NUBPL: variants seen among roughly 807,000 people sequenced by gnomAD.
NUBPL encodes the protein iron-sulfur cluster transfer protein NUBPL.
A neutral mutation model predicts 45.7 loss-of-function variants in NUBPL; 31 were observed. That is an observed-to-expected ratio of 0.68 (90% CI 0.51 to 0.92). NUBPL has a LOEUF of 0.92. Among genes scored for constraint, NUBPL ranks in the 40% least tolerant of loss-of-function variants. The pLI is 0.00. For missense variants in NUBPL, 401 were observed against 398.7 expected, an observed-to-expected ratio of 1.01 and a Z score of -0.05; for synonymous variants, 144 against 140.9, an observed-to-expected ratio of 1.02 and a Z score of -0.15.
intron 6 of NUBPL, among the ~76,000 whole-genome samples, chr14:31,682,406 T>C (rs2036855607): frequency 6.6e-6 from 1 of 152,200 alleles, no homozygotes; most frequent in Admixed American, 6.5e-5. Context: ...TCTATTTCAT[T>C]ATATTTAAAG....
rs8007541 is a variant in NUBPL, at chr14:31,672,541, C to T, written c.383-814C>T. Among the ~76,000 whole-genome samples the T allele has an allele frequency of 8.3e-3, 1,262 of 152,170 alleles. 64 individuals carry two copies. The highest frequency in any genetic ancestry group is 0.075 in the Admixed American group (1,149 of 15,272). On this transcript the variant is annotated intron_variant, in intron 4 of 10. Coordinates refer to ENST00000281081, the MANE Select transcript of NUBPL (RefSeq NM_025152.3). ...GCAGTGGCACAATGTGGGCTCACTG[C>T]AACGTCTGCCTCCCAGGTCCAAGCG... is the stretch of plus-strand genomic sequence containing the variant.
chr14:31,820,474 T>C (rs1429106207), intron 7 of NUBPL, among the ~76,000 whole-genome samples: 1 of 152,166 alleles, frequency 6.6e-6, no homozygotes, highest in Non-Finnish European at 1.5e-5. Flanking sequence ...TCAGAGACCA[T>C]CTGTTAAGTC....
chr14:31,698,320 A>T (rs1320678378), intron 6 of NUBPL, among the ~76,000 whole-genome samples: 3 of 150,626 alleles, frequency 2.0e-5, no homozygotes, highest in African/African-American at 7.3e-5. Context: ...CTTTGCCGTC[A>T]TTGCTGCAGA....
intron 3 of NUBPL, among the ~76,000 whole-genome samples, chr14:31,584,215 C>T (rs35316258): frequency 0.3 from 46,006 of 151,910 alleles, 7,677 homozygotes; most frequent in South Asian, 0.4. Flanking sequence ...ACTTCTGCCT[C>T]CCGGGCTCAA....
At chr14:31,571,188 A>G (rs1476657721) in intron 3 of NUBPL, among the ~76,000 whole-genome samples, 1 of 152,208 alleles carries the variant, frequency 6.6e-6, no homozygotes, top group South Asian at 2.1e-4. Flanking sequence ...TATGTGTCCT[A>G]TCTTTCAGGC....
At chr14:31,848,855 C>T (rs2040494265) in intron 9 of NUBPL, among the ~76,000 whole-genome samples, 1 of 152,188 alleles carries the variant, frequency 6.6e-6, no homozygotes, top group Non-Finnish European at 1.5e-5. Context: ...CCTTCCATTT[C>T]TGCAGTAGAA....
chr14:31,777,412 C>G (rs2039116295), intron 6 of NUBPL, among the ~76,000 whole-genome samples: 1 of 152,124 alleles, frequency 6.6e-6, no homozygotes, highest in Non-Finnish European at 1.5e-5. Flanking sequence ...AAATTTGAAC[C>G]AAAGTCTCTT....
intron 6 of NUBPL, among the ~76,000 whole-genome samples, chr14:31,765,098 A>G (rs1347535702): frequency 1.3e-5 from 2 of 152,242 alleles, no homozygotes; most frequent in Non-Finnish European, 2.9e-5. Flanking sequence ...AACACGGGAA[A>G]GACATAGGTC....
chr14:31,653,682 G>A (rs1372444413), intron 4 of NUBPL, among the ~76,000 whole-genome samples: 1 of 152,284 alleles, frequency 6.6e-6, no homozygotes, highest in African/African-American at 2.4e-5. Context: ...TGGTCCTGAG[G>A]TGACGTACAT....
At chr14:31,596,911 G>A (rs762305925) in intron 3 of NUBPL, among the ~76,000 whole-genome samples, 1 of 152,138 alleles carries the variant, frequency 6.6e-6, no homozygotes, top group Non-Finnish European at 1.5e-5. Context: ...TCAAAAAATG[G>A]GGAGATGCAA....
At chr14:31,687,388 A>G (rs1436798925) in intron 6 of NUBPL, among the ~76,000 whole-genome samples, 1 of 152,248 alleles carries the variant, frequency 6.6e-6, no homozygotes, top group African/African-American at 2.4e-5. Context: ...CCTAAAGTAT[A>G]CACAAATCTA....
At chr14:31,686,315 G>A (rs962024192) in intron 6 of NUBPL, among the ~76,000 whole-genome samples, 2 of 152,164 alleles carry the variant, frequency 1.3e-5, no homozygotes, top group East Asian at 3.9e-4. Flanking sequence ...AAGACAGGTA[G>A]TCAAGAGGGA....
chr14:31,644,951 A>G (rs1179326450), intron 4 of NUBPL, among the ~76,000 whole-genome samples: 1 of 152,134 alleles, frequency 6.6e-6, no homozygotes, highest in Non-Finnish European at 1.5e-5. Flanking sequence ...CTTACCTGAT[A>G]CAAATATAGC....
At chr14:31,718,957 G>C (rs985284973) in intron 6 of NUBPL, among the ~76,000 whole-genome samples, 1 of 152,144 alleles carries the variant, frequency 6.6e-6, no homozygotes, top group African/African-American at 2.4e-5. Context: ...ATGAAGTTAT[G>C]TCTCGATTAA....
chr14:31,638,041 C>G (rs2139685075), intron 4 of NUBPL, among the ~76,000 whole-genome samples: 1 of 152,238 alleles, frequency 6.6e-6, no homozygotes, highest in East Asian at 1.9e-4. Context: ...ACTCTTTATC[C>G]AATTTGCCAG....
chr14:31,575,719 T>C (rs1408178283), intron 3 of NUBPL, among the ~76,000 whole-genome samples: 2 of 152,196 alleles, frequency 1.3e-5, no homozygotes, highest in African/African-American at 2.4e-5. Flanking sequence ...AACCAATTCT[T>C]AATACTTTTA....
At chr14:31,812,881 T>G (rs2039836913) in intron 7 of NUBPL, among the ~76,000 whole-genome samples, 1 of 152,046 alleles carries the variant, frequency 6.6e-6, no homozygotes, top group African/African-American at 2.4e-5. Context: ...ACGACAGAGC[T>G]GTCTGATTCT....
chr14:31,829,679 G>A (rs1348885144), intron 8 of NUBPL, among the ~76,000 whole-genome samples: 1 of 151,838 alleles, frequency 6.6e-6, no homozygotes, highest in Non-Finnish European at 1.5e-5. Context: ...CCCATTTGAC[G>A]TGCATTAGTT....
chr14:31,653,840 A>T lies in NUBPL; in HGVS notation c.383-19515A>T, dbSNP rs1023798373. On this transcript the variant is annotated intron_variant, in intron 4 of 10. Transcript: ENST00000281081. ...GAAGTAAAGACAGGCATAAGATATT[A>T]TAAGAGTATTATTAGGGAAGTGATA... Among the ~76,000 whole-genome samples the T allele has an allele frequency of 2.0e-5, 3 of 152,322 alleles. No homozygotes were observed. The South Asian group carries it at 6.2e-4, about 32-fold the overall frequency.
Sources: allele counts gnomAD v4.1 joint callset (sites outside exome capture counted in the v4.1 genomes callset), GRCh38; gene constraint gnomAD v4.1.1; transcripts MANE v1.5; gene names NCBI Gene and HGNC (gene_info 2026-07-23, HGNC 2026-07-21).